NUDT16: variants seen among roughly 807,000 people sequenced by gnomAD.
The protein encoded by NUDT16 is nudix hydrolase 16.
A neutral mutation model predicts 11.7 loss-of-function variants in NUDT16; 12 were observed. That is an observed-to-expected ratio of 1.03 (90% CI 0.66 to 1.67). The LOEUF is 1.67. Ranked by LOEUF, NUDT16 falls within the 40% of genes most tolerant of loss-of-function variation. The probability of loss-of-function intolerance (pLI) is 0.00; values close to 1 mark genes in which losing one functional copy is unlikely to be tolerated. For missense variants in NUDT16, 303 were observed against 268.9 expected, an observed-to-expected ratio of 1.13 and a Z score of -0.89; for synonymous variants, 129 against 122.6, an observed-to-expected ratio of 1.05 and a Z score of -0.35.
rs748001123 is a variant in NUDT16, at chr3:131,382,210, G to T, written c.303G>T (p.Gly101=). The change falls in exon 2 of 3, where the codon GGG becomes GGT. Residue 101 remains glycine (G), a synonymous_variant. Transcript: ENST00000521288. ...CTGACTACCGCAGCTCCCACGTCGG[G>T]TCAGGGCCACGCGTTGTGGCCCACT... ...ERTDYRSSHV[G]SGPRVVAHFY... is the part of the protein sequence containing the mutation. 1.9e-6 allele frequency: 3 copies of T among 1,611,162 alleles called. No individual in the cohort carries two copies. Among genetic ancestry groups the T allele is most frequent in the Non-Finnish European group, 1.7e-6 (2 of 1,178,712 alleles).
intron 2 of NUDT16, chr3:131,382,752 G>A (rs895222441): frequency 6.9e-5 from 92 of 1,324,886 alleles, no homozygotes; most frequent in Non-Finnish European, 8.8e-5. Flanking sequence ...TCATCGGGGC[G>A]TCTTATTAAA....
chr3:131,383,327 C>G lies in NUDT16; in HGVS notation c.574C>G (p.Pro192Ala), dbSNP rs775615769. Residue 192 changes from proline to alanine, a missense_variant, in exon 3 of 3, where the codon CCA becomes GCA. By Grantham distance (27) the Pro-to-Ala change is conservative. Transcript: ENST00000521288. This position sits in a 1 kb window ranked among gnomAD's most constrained non-coding sequence, Gnocchi z 4.4. ...TGGCTCTATTTCAGGCCTTAAGATT[C>G]CAGCTCATCACTAGAGGCAGCCCTC... The part of the protein sequence containing the change: ...QSGSISGLKI[P>A]AHH The G allele has an allele frequency of 9.9e-6, 16 of 1,613,980 alleles. No homozygotes were observed. Among genetic ancestry groups the G allele is most frequent in the Non-Finnish European group, 1.3e-5 (15 of 1,180,026 alleles).
At chr3:131,382,779 G>A in intron 2 of NUDT16, 1 of 1,197,160 alleles carries the variant, frequency 8.4e-7, no homozygotes, top group Non-Finnish European at 1.1e-6. Context: ...ATTTCTCTCA[G>A]CATTCCTGCA....
At position 131,383,048 on chromosome 3, in the gene NUDT16, G is replaced by A; in HGVS notation, c.409-114G>A. On this transcript the variant is annotated intron_variant, in intron 2 of 2. Coordinates refer to ENST00000521288, the MANE Select transcript of NUDT16 (RefSeq NM_152395.3). This position sits in a 1 kb window ranked among gnomAD's most constrained non-coding sequence, Gnocchi z 4.4. ...AGGCTTTAGTGAGGTGTGAGCCTTG[G>A]GCCTGGTTCTGCTGGAGTATTAAGG... 1.7e-6 allele frequency: 2 copies of A among 1,193,282 alleles called. No individual in the cohort carries two copies. The allele number at this position is 1,193,282 out of a possible 1,614,324, so 73.9% of individuals were successfully genotyped here. A position where few individuals can be genotyped will look rare whatever the true frequency, so the allele number is the denominator to read the frequency against.
chr3:131,382,758 T>A, intron 2 of NUDT16: 1 of 1,307,648 alleles, frequency 7.6e-7, no homozygotes, highest in African/African-American at 1.5e-5. Context: ...GGGCGTCTTA[T>A]TAAAATAGCG....
rs548276184 is a variant in NUDT16, at chr3:131,383,065, G to C, written c.409-97G>C. 1.5e-6 allele frequency: 2 copies of C among 1,336,906 alleles called. No homozygotes were observed. The highest frequency in any genetic ancestry group is 2.1e-5 in the Admixed American group (1 of 46,584). The allele number at this position is 1,336,906 out of a possible 1,614,324, so 82.8% of individuals were successfully genotyped here. Reference sequence around the variant, plus strand: ...GAGCCTTGGGCCTGGTTCTGCTGGAGTATTAAGGGGTGAGGCCTGATCTGC... The same window carrying C: ...GAGCCTTGGGCCTGGTTCTGCTGGACTATTAAGGGGTGAGGCCTGATCTGC... On this transcript the variant is annotated intron_variant, in intron 2 of 2. Coordinates refer to ENST00000521288, the MANE Select transcript of NUDT16 (RefSeq NM_152395.3). The surrounding 1 kb of genome is among the most constrained non-coding windows in gnomAD (Gnocchi z 4.4).
Position 131,383,872 on chromosome 3 carries a change from C to A in NUDT16, c.*531C>A. The A allele has an allele frequency of 5.5e-6, 1 of 181,878 alleles. No individual in the cohort carries two copies. The highest frequency in any genetic ancestry group is 1.2e-5 in the Non-Finnish European group (1 of 85,734). The allele number at this position is 181,878 out of a possible 1,614,324, so 11.3% of individuals were successfully genotyped here. A position where few individuals can be genotyped will look rare whatever the true frequency, so the allele number is the denominator to read the frequency against. ...GACTTGCTCTTGTCTTGAGTGGTGA[C>A]CAAAGCAGTTGGCTCTTAAAAGGTG... On this transcript the variant is annotated 3_prime_UTR_variant, in exon 3 of 3. Coordinates refer to ENST00000521288, the MANE Select transcript of NUDT16 (RefSeq NM_152395.3). The surrounding 1 kb of genome is among the most constrained non-coding windows in gnomAD (Gnocchi z 4.4).
Position 131,383,285 on chromosome 3 carries a change from T to C in NUDT16, c.532T>C (p.Leu178=), listed in dbSNP as rs748936274. 5.6e-6 allele frequency: 9 copies of C among 1,614,158 alleles called. No individual in the cohort carries two copies. The South Asian group carries it at 8.8e-5, about 16-fold the overall frequency. ...GCAGTTACTTGAAGCTCTCCAGGACTTGGGACTGCTGCAGTCTGGCTCTAT... is the reference window on the plus strand; with the variant it reads ...GCAGTTACTTGAAGCTCTCCAGGACCTGGGACTGCTGCAGTCTGGCTCTAT... ...REQLLEALQD[L]GLLQSGSISG... Residue 178 remains leucine (L), a synonymous_variant, in exon 3 of 3, where the codon TTG becomes CTG. Coordinates refer to ENST00000521288, the MANE Select transcript of NUDT16 (RefSeq NM_152395.3). This position sits in a 1 kb window ranked among gnomAD's most constrained non-coding sequence, Gnocchi z 4.4.
Position 131,381,952 on chromosome 3 carries a change from G to A in NUDT16, c.138+10G>A, listed in dbSNP as rs748586686. The A allele has an allele frequency of 3.1e-6, 5 of 1,606,094 alleles. No individual in the cohort carries two copies. In the Admixed American group the frequency reaches 5.1e-5, roughly 16 times the overall value. On this transcript the variant is annotated intron_variant, in intron 1 of 2. Transcript: ENST00000521288. ...GCGCTACGCCATACTGGTGAGAAGG[G>A]GGCGCGCCCGGCCACTTTCTGCCTG...
rs2097457561 is a variant in NUDT16 at position 131,383,532 on chromosome 3, C to T, written c.*191C>T. ...ACTTATGGCATCAGGGGCAAAAAGT[C>T]ACAGCTTATCCCAGGCACCCTGGCA... On this transcript the variant is annotated 3_prime_UTR_variant, in exon 3 of 3. Transcript: ENST00000521288. The surrounding 1 kb of genome is among the most constrained non-coding windows in gnomAD (Gnocchi z 4.4). The T allele has an allele frequency of 7.4e-7, 1 of 1,350,184 alleles. No homozygotes were observed. The highest frequency in any genetic ancestry group is 2.3e-5 in the Admixed American group (1 of 43,916). 83.6% of individuals were successfully genotyped at this position (1,350,184 alleles called of 1,614,324 possible). A position where few individuals can be genotyped will look rare whatever the true frequency, so the allele number is the denominator to read the frequency against.
rs756770071 is a variant in NUDT16 at position 131,381,922 on chromosome 3, C to G, written c.118C>G (p.Pro40Ala). The change falls in exon 1 of 3, where the codon CCG becomes GCG. Residue 40 changes from proline (P) to alanine (A), a missense_variant. Transcript: ENST00000521288. ...PDPGMLFGRIPLRYAILMQMR... is the reference protein window; with the variant it reads ...PDPGMLFGRIALRYAILMQMR... Reference sequence around the variant, plus strand: ...CCCTGGGATGCTCTTCGGCCGCATCCCGCTGCGCTACGCCATACTGGTGAG... The same window carrying G: ...CCCTGGGATGCTCTTCGGCCGCATCGCGCTGCGCTACGCCATACTGGTGAG... 63 of 1,611,878 alleles carry G rather than the reference C, an allele frequency of 3.9e-5. No individual in the cohort carries two copies. The highest frequency in any genetic ancestry group is 4.6e-5 in the Non-Finnish European group (54 of 1,179,458).
Position 131,382,021 on chromosome 3 carries a change from C to G in NUDT16, c.139-25C>G, listed in dbSNP as rs1332456069. ...GTGGTCTCCTCTGGGGCGCCCCTGC[C>G]AATCCCCGCTTCCCCCTCCCGCAGA... On this transcript the variant is annotated intron_variant, in intron 1 of 2. Coordinates refer to ENST00000521288, the MANE Select transcript of NUDT16 (RefSeq NM_152395.3). 3 of 1,577,322 alleles carry G rather than the reference C, an allele frequency of 1.9e-6. No individual in the cohort carries two copies. The Admixed American group carries it at 5.5e-5, about 29-fold the overall frequency.
Position 131,382,170 on chromosome 3 carries a change from TC to T in NUDT16, c.265del (p.Arg89AlafsTer27). 1 of 1,612,210 alleles carries T rather than the reference TC, an allele frequency of 6.2e-7. No homozygotes were observed. Among genetic ancestry groups the T allele is most frequent in the Non-Finnish European group, 8.5e-7 (1 of 1,179,446 alleles). On this transcript the variant is annotated frameshift_variant, in exon 2 of 3. Coordinates refer to ENST00000521288, the MANE Select transcript of NUDT16 (RefSeq NM_152395.3). LOFTEE classifies it high-confidence loss of function. ...GAGCTGGGCGAAGCGGCTGCCGCTT[TC>T]CGCGTGGAGCGCACTGACTACCGCA... ...REELGEAAAA[F>X]RVERTDYRSS...
At position 131,383,552 on chromosome 3, in the gene NUDT16, C is replaced by A; in HGVS notation, c.*211C>A. On this transcript the variant is annotated 3_prime_UTR_variant, in exon 3 of 3. Coordinates refer to ENST00000521288, the MANE Select transcript of NUDT16 (RefSeq NM_152395.3). The surrounding 1 kb of genome is among the most constrained non-coding windows in gnomAD (Gnocchi z 4.4). Reference sequence around the variant, plus strand: ...AAAGTCACAGCTTATCCCAGGCACCCTGGCAGGTTCTCAGAGCCTGCCTCC... The same window carrying A: ...AAAGTCACAGCTTATCCCAGGCACCATGGCAGGTTCTCAGAGCCTGCCTCC... 8.7e-7 allele frequency: 1 copy of A among 1,151,400 alleles called. No homozygotes were observed. The highest frequency in any genetic ancestry group is 1.2e-6 in the Non-Finnish European group (1 of 832,786). The allele number at this position is 1,151,400 out of a possible 1,614,324, so 71.3% of individuals were successfully genotyped here.
chr3:131,382,898 GA>G lies in NUDT16; in HGVS notation c.409-261del, dbSNP rs2097456960. The G allele has an allele frequency of 5.0e-6, 3 of 600,068 alleles. No individual in the cohort carries two copies. In the East Asian group the frequency reaches 8.7e-5, roughly 17 times the overall value. The allele number at this position is 600,068 out of a possible 1,614,324, so 37.2% of individuals were successfully genotyped here. ...GGACCACATTTTGACAACCACTGGT[GA>G]AAGGGTATGAATACATCTTTGAGGC... is the stretch of plus-strand genomic sequence containing the variant. On this transcript the variant is annotated intron_variant, in intron 2 of 2. Transcript: ENST00000521288.
At position 131,388,147 on chromosome 3, in the gene NUDT16, A is replaced by T. The variant is rs1426276106; in HGVS notation, c.*4806A>T. The T allele has an allele frequency of 1.3e-5, 2 of 152,210 alleles. No homozygotes were observed. Among genetic ancestry groups the T allele is most frequent in the Admixed American group, 1.3e-4 (2 of 15,276 alleles). The allele number at this position is 152,210 out of a possible 1,614,324, so 9.4% of individuals were successfully genotyped here. A position where few individuals can be genotyped will look rare whatever the true frequency, so the allele number is the denominator to read the frequency against. ...TTAACATTACCCTAGGAACAGCAAG[A>T]GCATCATCAGCCCCAGGAAAATCTA... On this transcript the variant is annotated 3_prime_UTR_variant, in exon 3 of 3. Coordinates refer to ENST00000521288, the MANE Select transcript of NUDT16 (RefSeq NM_152395.3).
rs1559771726 is a variant in NUDT16, at chr3:131,383,002, C to T, written c.409-160C>T. The T allele has an allele frequency of 1.4e-5, 11 of 772,628 alleles. No homozygotes were observed. The highest frequency in any genetic ancestry group is 2.1e-5 in the Non-Finnish European group (10 of 480,054). The allele number at this position is 772,628 out of a possible 1,614,324, so 47.9% of individuals were successfully genotyped here. ...TAGATAATATGTTTTGGGTCATTTT[C>T]CTGCAGAAGGTTGGGCCACTAGGCT... On this transcript the variant is annotated intron_variant, in intron 2 of 2. Coordinates refer to ENST00000521288, the MANE Select transcript of NUDT16 (RefSeq NM_152395.3). This position sits in a 1 kb window ranked among gnomAD's most constrained non-coding sequence, Gnocchi z 4.4.
intron 2 of NUDT16, 100 bp downstream of exon 2, chr3:131,382,415 C>G: frequency 6.4e-7 from 1 of 1,553,186 alleles, no homozygotes; most frequent in Non-Finnish European, 8.7e-7. Flanking sequence ...CTTTGCCCCT[C>G]TGACCTTGCC....
Position 131,386,104 on chromosome 3 carries a change from G to A in NUDT16, c.*2763G>A, listed in dbSNP as rs2097459765. On this transcript the variant is annotated 3_prime_UTR_variant, in exon 3 of 3. Coordinates refer to ENST00000521288, the MANE Select transcript of NUDT16 (RefSeq NM_152395.3). ...TTTATTTAGGTCTCTGGAGATGGTT[G>A]CGTGGGGAAGAGCCCATGACTTTCC... The A allele has an allele frequency of 1.3e-5, 2 of 152,204 alleles. No homozygotes were observed. 9.4% of individuals were successfully genotyped at this position (152,204 alleles called of 1,614,324 possible).
Sources: allele counts gnomAD v4.1 joint callset, GRCh38; gene constraint gnomAD v4.1.1; non-coding constraint Gnocchi (gnomAD v3.1); transcripts MANE v1.5; gene names NCBI Gene and HGNC (gene_info 2026-07-23, HGNC 2026-07-21).